The following HPSE2 variants were observed in gnomAD, a reference collection of about 807,000 sequenced individuals.
The protein encoded by HPSE2 is inactive heparanase-2.
A neutral mutation model predicts 60.5 loss-of-function variants in HPSE2; 38 were observed. That is an observed-to-expected ratio of 0.63 (90% confidence interval 0.48 to 0.82). The LOEUF is 0.82. Among genes scored for constraint, HPSE2 ranks in the 40% least tolerant of loss-of-function variants. The pLI, the probability that HPSE2 is intolerant of heterozygous loss-of-function variation, is 0.00. For missense variants in HPSE2, 713 were observed against 740.4 expected, an observed-to-expected ratio of 0.96 and a Z score of 0.43; for synonymous variants, 295 against 293.2, an observed-to-expected ratio of 1.01 and a Z score of -0.06.
chr10:99,305,331 C>T, the HPSE2 span, among the ~76,000 whole-genome samples: 216 of 152,250 alleles, frequency 1.4e-3, no homozygotes, highest in Middle Eastern at 6.8e-3. Context: ...AAACAAAGGA[C>T]CCCAGGCTCT....
intron 2 of HPSE2, among the ~76,000 whole-genome samples, chr10:99,218,555 G>C (rs531144151): frequency 6.6e-6 from 1 of 152,156 alleles, no homozygotes; most frequent in South Asian, 2.1e-4. Flanking sequence ...TTGAAAGCTT[G>C]CTAAATTTCA....
intron 8 of HPSE2, among the ~76,000 whole-genome samples, chr10:98,619,668 C>T (rs576926748): frequency 1.3e-5 from 2 of 152,328 alleles, no homozygotes; most frequent in South Asian, 2.1e-4. Flanking sequence ...TAGTCATTCT[C>T]TGCTCCTCTG....
At chr10:99,006,261 G>C (rs1261418191) in intron 3 of HPSE2, among the ~76,000 whole-genome samples, 1 of 152,116 alleles carries the variant, frequency 6.6e-6, no homozygotes, top group Non-Finnish European at 1.5e-5. Flanking sequence ...GGTGGTCCTA[G>C]AGTCTTGATC....
rs572046900 is a variant in HPSE2, at chr10:98,817,061, C to T, written c.611-73005G>A. 1.8e-4 allele frequency among the ~76,000 whole-genome samples: 27 copies of T among 152,066 alleles called. No individual in the cohort carries two copies. The South Asian group carries it at 5.4e-3, about 30-fold the overall frequency. ...CAATTGTAAGTCTTCTTGAGCTCCT[C>T]CCTCCCTCCCTTTGGTTGAGGTCAA... On this transcript the variant is annotated intron_variant, in intron 3 of 11. Transcript: ENST00000370552.
intron 3 of HPSE2, among the ~76,000 whole-genome samples, chr10:98,947,554 G>A (rs1229907095): frequency 6.6e-6 from 1 of 152,138 alleles, no homozygotes; most frequent in African/African-American, 2.4e-5. Context: ...GAGGATATCT[G>A]CCTGAACAGA....
intron 9 of HPSE2, among the ~76,000 whole-genome samples, chr10:98,510,608 G>T (rs1942357024): frequency 6.6e-6 from 1 of 152,232 alleles, no homozygotes; most frequent in Non-Finnish European, 1.5e-5. Context: ...AGAGCCAGGG[G>T]TGAGAAGGGG....
chr10:98,702,911 A>G (rs907761847), intron 5 of HPSE2, among the ~76,000 whole-genome samples: 2 of 152,146 alleles, frequency 1.3e-5, no homozygotes, highest in Non-Finnish European at 2.9e-5. Context: ...AGCTAGCAGA[A>G]GAGAAGAAAT....
At chr10:99,007,480 G>A (rs1231307334) in intron 3 of HPSE2, among the ~76,000 whole-genome samples, 1 of 152,160 alleles carries the variant, frequency 6.6e-6, no homozygotes, top group African/African-American at 2.4e-5. Context: ...ATACTTAAGT[G>A]CTGAAATCTC....
chr10:99,046,445 C>G (rs1957857375), intron 3 of HPSE2, among the ~76,000 whole-genome samples: 2 of 152,102 alleles, frequency 1.3e-5, no homozygotes, highest in Non-Finnish European at 2.9e-5. Context: ...ACTCTCACTA[C>G]TGTTATTCAA....
intron 6 of HPSE2, among the ~76,000 whole-genome samples, chr10:98,667,879 A>T (rs563125909): frequency 1.3e-5 from 2 of 152,226 alleles, no homozygotes; most frequent in Non-Finnish European, 2.9e-5. Context: ...CAAGACGAGG[A>T]TGCCCACTCT....
intron 4 of HPSE2, among the ~76,000 whole-genome samples, chr10:98,736,936 T>G (rs1408476453): frequency 2.0e-5 from 3 of 152,200 alleles, no homozygotes; most frequent in Admixed American, 2.0e-4. Context: ...CTAAATACCA[T>G]GAGAGTATGT....
chr10:99,192,412 T>C (rs560740025), intron 2 of HPSE2, among the ~76,000 whole-genome samples: 3 of 152,084 alleles, frequency 2.0e-5, no homozygotes, highest in Non-Finnish European at 4.4e-5. Context: ...GACTTCTCAG[T>C]GGAAATCGTA....
chr10:98,774,610 C>T (rs17110832), intron 3 of HPSE2, among the ~76,000 whole-genome samples: 5,868 of 152,174 alleles, frequency 0.039, 184 homozygotes, highest in East Asian at 0.12. Flanking sequence ...CTTCATGGAT[C>T]TGGTGGGTGA....
At chr10:98,619,055 T>G (rs975318594) in intron 8 of HPSE2, among the ~76,000 whole-genome samples, 8 of 152,196 alleles carry the variant, frequency 5.3e-5, no homozygotes, top group Admixed American at 4.6e-4. Flanking sequence ...ATTTTCTTCA[T>G]CTGCGTTTGC....
intron 10 of HPSE2, among the ~76,000 whole-genome samples, chr10:98,485,343 A>AT (rs879934816): frequency 2.6e-5 from 4 of 150,972 alleles, no homozygotes; most frequent in Non-Finnish European, 5.9e-5. Context: ...GCGTCAGAAG[A>AT]TTTTTTTTGC....
chr10:98,752,331 A>G (rs747048789), intron 3 of HPSE2, among the ~76,000 whole-genome samples: 1 of 152,228 alleles, frequency 6.6e-6, no homozygotes, highest in Non-Finnish European at 1.5e-5. Flanking sequence ...TAAGCAGTTA[A>G]AAGAGTACAA....
chr10:99,268,528 C>G, the HPSE2 span, among the ~76,000 whole-genome samples: 2 of 151,508 alleles, frequency 1.3e-5, no homozygotes, highest in Non-Finnish European at 2.9e-5. Context: ...CACCTATAAT[C>G]CCAGCTACCT....
intron 9 of HPSE2, among the ~76,000 whole-genome samples, chr10:98,495,852 C>T (rs1218938876): frequency 6.6e-6 from 1 of 152,018 alleles, no homozygotes; most frequent in Non-Finnish European, 1.5e-5. Context: ...AGTAGATCTG[C>T]CATCAAGTCT....
intron 3 of HPSE2, among the ~76,000 whole-genome samples, chr10:98,969,180 C>T (rs901208458): frequency 1.3e-5 from 2 of 152,000 alleles, no homozygotes; most frequent in African/African-American, 4.8e-5. Context: ...CGTGTCTGGT[C>T]ATCTCATTCC....
Sources: gnomAD v4.1 joint callset for allele counts (sites outside exome capture counted in the v4.1 genomes callset) on GRCh38, gnomAD v4.1.1 for gene constraint, MANE v1.5 for transcripts, NCBI Gene and HGNC (gene_info 2026-07-23, HGNC 2026-07-21) for gene names.